The following NCOR1 variants were observed in gnomAD, a reference collection of about 807,000 sequenced individuals.
The protein encoded by NCOR1 is nuclear receptor corepressor 1, also known as protein phosphatase 1, regulatory subunit 109.
NCOR1 carries 63 observed loss-of-function variants against 288.1 expected under a neutral mutation model. That is an observed-to-expected ratio of 0.22 (90% CI 0.18 to 0.27). The LOEUF (loss-of-function observed/expected upper bound fraction) is 0.27. NCOR1 is among the 10% of genes least tolerant of loss of function. The probability of loss-of-function intolerance (pLI) is 1.00; values close to 1 mark genes in which losing one functional copy is unlikely to be tolerated. For missense variants in NCOR1, 2,397 were observed against 3,019.2 expected (o/e 0.79, Z 4.83); for synonymous variants, 1,007 against 1,065.9 (o/e 0.94, Z 1.08).
intron 19 of NCOR1, among the ~76,000 whole-genome samples, chr17:16,103,611 T>C (rs1366933760): frequency 1.3e-5 from 2 of 152,270 alleles, no homozygotes. Context: ...GTTTGTTCAA[T>C]GCCTCATGCA....
Position 16,143,626 on chromosome 17 carries a change from C to T in NCOR1, c.1153G>A (p.Asp385Asn). The change falls in exon 11 of 46, where the codon GAT becomes AAT. Residue 385 changes from aspartate to asparagine, a missense_variant. Coordinates refer to ENST00000268712, the MANE Select transcript of NCOR1 (RefSeq NM_006311.4). ...RSEHEISEII[D>N]GLSEQENNEK... ...CTTACCTCCTGCTCAGAGAGCCCATCAATAATTTCAGAAATCTCATGCTCA... is the reference window on the plus strand; with the variant it reads ...CTTACCTCCTGCTCAGAGAGCCCATTAATAATTTCAGAAATCTCATGCTCA... The T allele has an allele frequency of 6.2e-7, 1 of 1,613,594 alleles. No homozygotes were observed. Among genetic ancestry groups the T allele is most frequent in the Non-Finnish European group, 8.5e-7 (1 of 1,179,594 alleles).
chr17:16,068,144 A>C lies in NCOR1; in HGVS notation c.4514-23T>G, dbSNP rs745402093. On this transcript the variant is annotated intron_variant, in intron 31 of 45. Coordinates refer to ENST00000268712, the MANE Select transcript of NCOR1 (RefSeq NM_006311.4). ...TAACTGGAAAAAAAGAGCCAATGCC[A>C]CAAGTTCTTAAGAAACTTGCAAGTA... is the stretch of plus-strand genomic sequence containing the variant. 218 of 1,541,162 alleles carry C rather than the reference A, an allele frequency of 1.4e-4. 1 individual carries two copies. The highest frequency in any genetic ancestry group is 1.7e-4 in the Middle Eastern group (1 of 5,968).
Position 16,057,916 on chromosome 17 carries a change from A to T in NCOR1, c.6159T>A (p.Asp2053Glu). ...ATAATGAAAAACTTACACAGATGTGATCAGCAAGTGTGATCAGCCGATGGG... is the reference window on the plus strand; with the variant it reads ...ATAATGAAAAACTTACACAGATGTGTTCAGCAAGTGTGATCAGCCGATGGG... ...PRTHRLITLADHICQIITQDF... is the reference protein window; with the variant it reads ...PRTHRLITLAEHICQIITQDF... Residue 2053 changes from aspartate (D) to glutamate (E), a missense_variant, in exon 39 of 46, where the codon GAT (aspartate) becomes GAA (glutamate). Asp to Glu is a conservative substitution (Grantham distance 45). Transcript: ENST00000268712. 1 of 1,607,112 alleles carries T rather than the reference A, an allele frequency of 6.2e-7. No homozygotes were observed. The highest frequency in any genetic ancestry group is 8.5e-7 in the Non-Finnish European group (1 of 1,176,440).
intron 1 of NCOR1, among the ~76,000 whole-genome samples, chr17:16,208,035 CTTTTTTT>C (rs71150278): frequency 2.8e-4 from 20 of 72,556 alleles, no homozygotes; most frequent in East Asian, 2.0e-3. Flanking sequence ...ATATTTCTTT[CTTTTTTT>C]TTTTTTTTTT....
At chr17:16,069,035 G>A (rs2061445312) in intron 31 of NCOR1, among the ~76,000 whole-genome samples, 1 of 151,846 alleles carries the variant, frequency 6.6e-6, no homozygotes, top group South Asian at 2.1e-4. Flanking sequence ...TTTTTTAACT[G>A]TGGTGAAATA....
At chr17:16,101,820 T>C (rs745720295) in intron 19 of NCOR1, 63 bp from the exon 20 acceptor site, 5 of 1,579,602 alleles carry the variant, frequency 3.2e-6, no homozygotes, top group African/African-American at 1.3e-5. Context: ...AAGATAATGA[T>C]ACAGCATAAA....
At chr17:16,063,367 GAGAC>G (rs2060749476) in intron 35 of NCOR1, among the ~76,000 whole-genome samples, 1 of 151,886 alleles carries the variant, frequency 6.6e-6, no homozygotes, top group African/African-American at 2.4e-5. Flanking sequence ...ATATATTTTA[GAGAC>G]AGGGTCTCAC....
chr17:16,092,695 A>ATATT (rs1567961490), intron 21 of NCOR1, among the ~76,000 whole-genome samples: 3 of 22,598 alleles, frequency 1.3e-4, no homozygotes, highest in African/African-American at 2.1e-4. Context: ...ATATATATAT[A>ATATT]TTTTTTTTTT....
intron 18 of NCOR1, among the ~76,000 whole-genome samples, chr17:16,115,250 AG>A (rs1829718996): frequency 6.6e-6 from 1 of 152,210 alleles, no homozygotes; most frequent in Non-Finnish European, 1.5e-5. Context: ...TCCTGGGTCC[AG>A]GGCATGAAAT....
At chr17:16,041,613 C>T (rs995774987) in intron 42 of NCOR1, among the ~76,000 whole-genome samples, 2 of 151,820 alleles carry the variant, frequency 1.3e-5, no homozygotes, top group South Asian at 4.2e-4. Flanking sequence ...CGGAGTTTCA[C>T]CATTTTGGCC....
At chr17:16,115,559 G>A (rs182093152) in intron 18 of NCOR1, among the ~76,000 whole-genome samples, 7 of 152,182 alleles carry the variant, frequency 4.6e-5, no homozygotes, top group African/African-American at 1.2e-4. Flanking sequence ...AATGTCTTCC[G>A]CCAGATAACC....
At position 16,058,519 on chromosome 17, in the gene NCOR1, T is replaced by G. The variant is rs1454047092; in HGVS notation, c.5962A>C (p.Lys1988Gln). ...ACCTCTGGCTGATAGGTCTGCAGTTTCTCCTGGGGTGGCGCAGGTGAGCTG... is the reference window on the plus strand; with the variant it reads ...ACCTCTGGCTGATAGGTCTGCAGTTGCTCCTGGGGTGGCGCAGGTGAGCTG... ...PASSPAPPQE[K>Q]LQTYQPEVVK... is the part of the protein sequence containing the mutation. The change falls in exon 38 of 46, where the codon AAA becomes CAA. Residue 1988 changes from lysine (K) to glutamine (Q), a missense_variant. This residue lies in a region of NCOR1 where 1,872 missense variants were observed against 2,187.8 expected (regional missense o/e 0.86). Transcript: ENST00000268712. 1.2e-6 allele frequency: 2 copies of G among 1,614,094 alleles called. No individual in the cohort carries two copies. Among genetic ancestry groups the G allele is most frequent in the Non-Finnish European group, 1.7e-6 (2 of 1,179,992 alleles).
intron 9 of NCOR1, among the ~76,000 whole-genome samples, 153 bp downstream of exon 9, chr17:16,149,292 CATATAT>C (rs34511605): frequency 3.6e-5 from 5 of 137,956 alleles, no homozygotes; most frequent in African/African-American, 8.1e-5. Context: ...AGATTTAAGT[CATATAT>C]ATATATATAT....
chr17:16,176,702 T>C (rs1357342935), intron 3 of NCOR1, among the ~76,000 whole-genome samples: 5 of 152,116 alleles, frequency 3.3e-5, no homozygotes, highest in African/African-American at 1.2e-4. Flanking sequence ...TTGTAGCTAC[T>C]GCTTCACTAT....
At position 16,072,105 on chromosome 17, in the gene NCOR1, G is replaced by A. The variant is rs200629813; in HGVS notation, c.3895+40C>T. On this transcript the variant is annotated intron_variant, in intron 29 of 45. Transcript: ENST00000268712. ...AATGTCAAACTATTTTGCCAGGGAG[G>A]CAGTTATAAATAAAAATGCAAAACA... 5.6e-6 allele frequency: 8 copies of A among 1,439,786 alleles called. No homozygotes were observed. In the East Asian group the frequency reaches 1.7e-4, roughly 30 times the overall value. 89.2% of individuals were successfully genotyped at this position (1,439,786 alleles called of 1,614,324 possible).
intron 1 of NCOR1, among the ~76,000 whole-genome samples, chr17:16,208,639 C>G (rs1305644889): frequency 6.6e-6 from 1 of 151,638 alleles, no homozygotes; most frequent in Non-Finnish European, 1.5e-5. Context: ...TCACTTGAGC[C>G]CAGCAATTTG....
At chr17:16,037,207 C>T (rs1464275392) in intron 44 of NCOR1, among the ~76,000 whole-genome samples, 7 of 152,154 alleles carry the variant, frequency 4.6e-5, no homozygotes. Context: ...CCATCTTATA[C>T]AGGTGCTCCT....
rs1476720644 is a variant in NCOR1 at position 16,095,754 on chromosome 17, G to A, written c.2820+2613C>T. 1.2e-3 allele frequency among the ~76,000 whole-genome samples: 179 copies of A among 144,678 alleles called. 3 individuals are homozygous for A. Among genetic ancestry groups the A allele is most frequent in the African/African-American group, 4.4e-3 (171 of 38,908 alleles). 94.9% of individuals were successfully genotyped at this position (144,678 alleles called of 152,430 possible). ...CCGCCCCGTCTGGGAGGTGAGGGGC[G>A]CCTCTGCCCGGCTGCCCCTACTGGG... On this transcript the variant is annotated intron_variant, in intron 21 of 45. Coordinates refer to ENST00000268712, the MANE Select transcript of NCOR1 (RefSeq NM_006311.4).
intron 1 of NCOR1, among the ~76,000 whole-genome samples, chr17:16,212,497 T>A (rs2092228454): frequency 6.6e-6 from 1 of 152,208 alleles, no homozygotes; most frequent in African/African-American, 2.4e-5. Context: ...AGTTGTTTTA[T>A]ATCATAGTCT....
Sources: allele counts gnomAD v4.1 joint callset (sites outside exome capture counted in the v4.1 genomes callset), GRCh38; gene constraint gnomAD v4.1.1; regional missense constraint gnomAD v4.1.1; transcripts MANE v1.5; gene names NCBI Gene and HGNC (gene_info 2026-07-23, HGNC 2026-07-21).